Variants in PIGS observed in about 807,000 individuals in gnomAD.
The protein encoded by PIGS is phosphatidylinositol glycan anchor biosynthesis class S.
A neutral mutation model predicts 58.2 loss-of-function variants in PIGS; 37 were observed. The ratio of observed to expected loss-of-function variants is 0.64; its 90% CI spans 0.49 to 0.84. The LOEUF (loss-of-function observed/expected upper bound fraction) is 0.84. Ranked by LOEUF, PIGS falls within the 40% of genes least tolerant of loss-of-function variation. PIGS has a pLI of 0.00. For synonymous variants in PIGS, 269 were observed against 289.2 expected (o/e 0.93, Z 0.71); for missense variants, 629 against 710.8 (o/e 0.88, Z 1.31).
At chr17:28,566,287 T>G (rs2070394106) in intron 3 of PIGS, among the ~76,000 whole-genome samples, 2 of 148,450 alleles carry the variant, frequency 1.3e-5, no homozygotes, top group Admixed American at 1.3e-4. Flanking sequence ...TTTTTTTTTT[T>G]TGTTTTTTTG....
intron 3 of PIGS, among the ~76,000 whole-genome samples, 189 bp downstream of exon 3, chr17:28,570,663 G>A (rs1437415186): frequency 2.6e-5 from 4 of 152,152 alleles, no homozygotes; most frequent in African/African-American, 2.4e-5. Flanking sequence ...CCTGTCTTAC[G>A]AGTAAAATTG....
chr17:28,565,232 C>T (rs2070387535), intron 3 of PIGS, among the ~76,000 whole-genome samples: 1 of 152,108 alleles, frequency 6.6e-6, no homozygotes, highest in African/African-American at 2.4e-5. Context: ...CAATTAGAAA[C>T]ATCTTTTAAA....
At chr17:28,568,099 AC>A (rs1312682347) in intron 3 of PIGS, among the ~76,000 whole-genome samples, 1 of 149,758 alleles carries the variant, frequency 6.7e-6, no homozygotes, top group African/African-American at 2.4e-5. Flanking sequence ...CATTTGACTT[AC>A]TTGTCTTTTT....
At position 28,554,037 on chromosome 17, in the gene PIGS, A is replaced by T; in HGVS notation, c.*183T>A. ...TGGTGGAGGAGGATTGAGCCAGGTGAATGGGAAAGGAAGAAAAGATGAACC... is the reference window on the plus strand; with the variant it reads ...TGGTGGAGGAGGATTGAGCCAGGTGTATGGGAAAGGAAGAAAAGATGAACC... On this transcript the variant is annotated 3_prime_UTR_variant, in exon 12 of 12. Coordinates refer to ENST00000308360, the MANE Select transcript of PIGS (RefSeq NM_033198.4). 1 of 738,036 alleles carries T rather than the reference A, an allele frequency of 1.4e-6. No individual in the cohort carries two copies. Among genetic ancestry groups the T allele is most frequent in the Non-Finnish European group, 2.2e-6 (1 of 463,942 alleles). The allele number at this position is 738,036 out of a possible 1,614,324, so 45.7% of individuals were successfully genotyped here. A position where few individuals can be genotyped will look rare whatever the true frequency, so the allele number is the denominator to read the frequency against.
At chr17:28,566,266 CT>C (rs2070393606) in intron 3 of PIGS, among the ~76,000 whole-genome samples, 1 of 107,276 alleles carries the variant, frequency 9.3e-6, no homozygotes, top group African/African-American at 3.7e-5. Context: ...TCTACTTTTT[CT>C]TTTCTTTTTT....
chr17:28,555,201 G>A, intron 10 of PIGS, 140 bp from the exon 11 acceptor site: 1 of 785,416 alleles, frequency 1.3e-6, no homozygotes, highest in Non-Finnish European at 2.0e-6. Flanking sequence ...AAGTACCTCA[G>A]GGTCTTGGGG....
chr17:28,561,443 G>A lies in PIGS; in HGVS notation c.655C>T (p.Arg219Trp), dbSNP rs371227096. Reference protein sequence around the residue: ...PEDKWSAEKRRPLKSSLGYEI... With the variant: ...PEDKWSAEKRWPLKSSLGYEI... The stretch of plus-strand genomic sequence containing the variant: ...CTACCCAAGCTGGACTTGAGAGGCC[G>A]CCTCTTCTCAGCGCTCCACTTGTCC... Residue 219 changes from arginine (R) to tryptophan (W), a missense_variant, in exon 6 of 12, where the codon CGG becomes TGG. By Grantham distance (101) the Arg-to-Trp change is moderately radical (BLOSUM62 -3). Transcript: ENST00000308360. The A allele has an allele frequency of 1.5e-5, 24 of 1,613,776 alleles. No homozygotes were observed. Among genetic ancestry groups the A allele is most frequent in the South Asian group, 4.4e-5 (4 of 91,066 alleles).
chr17:28,567,817 G>T (rs1302520940), intron 3 of PIGS, among the ~76,000 whole-genome samples: 1 of 152,160 alleles, frequency 6.6e-6, no homozygotes, highest in Non-Finnish European at 1.5e-5. Context: ...TCACTCCAGT[G>T]AAGCCACAAG....
At position 28,556,275 on chromosome 17, in the gene PIGS, G is replaced by C. The variant is rs751331137; in HGVS notation, c.1081-9C>G. The C allele has an allele frequency of 1.9e-6, 3 of 1,588,932 alleles. No individual in the cohort carries two copies. The highest frequency in any genetic ancestry group is 2.6e-6 in the Non-Finnish European group (3 of 1,157,038). ...GAGTCAACATTATATACCTGAAAGG[G>C]GGAATGAGATTGCCACAACATCATA... On this transcript the variant is annotated splice_polypyrimidine_tract_variant and intron_variant, in intron 9 of 11. Transcript: ENST00000308360.
chr17:28,566,970 G>A (rs2070398276), intron 3 of PIGS, among the ~76,000 whole-genome samples: 2 of 152,186 alleles, frequency 1.3e-5, no homozygotes, highest in African/African-American at 4.8e-5. Context: ...GCTGCAGTAA[G>A]CTATGATTGA....
At chr17:28,564,646 C>T (rs1219314618) in intron 3 of PIGS, among the ~76,000 whole-genome samples, 1 of 147,594 alleles carries the variant, frequency 6.8e-6, no homozygotes, top group East Asian at 2.0e-4. Context: ...ACCCAGAAGG[C>T]GGAGGCTGCA....
chr17:28,556,522 C>A, intron 9 of PIGS: 2 of 730,434 alleles, frequency 2.7e-6, no homozygotes, highest in Non-Finnish European at 5.0e-6. Context: ...AACTTCCAGT[C>A]TAACAAGGGA....
Position 28,554,181 on chromosome 17 carries a change from G to C in PIGS, c.*39C>G. The C allele has an allele frequency of 6.2e-7, 1 of 1,605,474 alleles. No homozygotes were observed. Among genetic ancestry groups the C allele is most frequent in the Non-Finnish European group, 8.5e-7 (1 of 1,174,984 alleles). On this transcript the variant is annotated 3_prime_UTR_variant, in exon 12 of 12. Coordinates refer to ENST00000308360, the MANE Select transcript of PIGS (RefSeq NM_033198.4). ...CTCACAATCTAACACCGCCCACCTT[G>C]GCCAGAAAGGAAGGCTTCCTATGGA... is the stretch of plus-strand genomic sequence containing the variant.
chr17:28,554,992 C>T lies in PIGS; in HGVS notation c.1251G>A (p.Gly417=). Residue 417 remains glycine, a synonymous_variant, in exon 11 of 12, where the codon GGG becomes GGA. Transcript: ENST00000308360. ...GCCGGTCTAGCTCCCAGGTCATTAG[C>T]CCTTCACTCGTAGGCCCTGAAAGCA... ...KCLLSGPTSE[G]LMTWELDRLL... is the part of the protein sequence containing the mutation. 6.2e-7 allele frequency: 1 copy of T among 1,610,498 alleles called. No individual in the cohort carries two copies. Among genetic ancestry groups the T allele is most frequent in the Non-Finnish European group, 8.5e-7 (1 of 1,178,090 alleles).
chr17:28,554,700 G>A lies in PIGS; in HGVS notation c.1392+151C>T, dbSNP rs923734579. ...CTCTCATCTGCACTCCTGCTTGGGG[G>A]CTGGTACTGCCGTCTAGAGGAAGGC... On this transcript the variant is annotated intron_variant, in intron 11 of 11. Coordinates refer to ENST00000308360, the MANE Select transcript of PIGS (RefSeq NM_033198.4). The A allele has an allele frequency of 1.2e-5, 14 of 1,198,102 alleles. No homozygotes were observed. In the African/African-American group the frequency reaches 1.8e-4, roughly 15 times the overall value. The allele number at this position is 1,198,102 out of a possible 1,614,324, so 74.2% of individuals were successfully genotyped here.
At position 28,554,861 on chromosome 17, in the gene PIGS, A is replaced by C. The variant is rs995734267; in HGVS notation, c.1382T>G (p.Val461Gly). ...KISNIVIKDD[V>G]ASEVYKAVAA... ...CCCCTGCCTGCTTACCTCAGATGCCACGTCGTCCTTAATGACAATGTTGCT... is the reference window on the plus strand; with the variant it reads ...CCCCTGCCTGCTTACCTCAGATGCCCCGTCGTCCTTAATGACAATGTTGCT... The change falls in exon 11 of 12, where the codon GTG becomes GGG. Residue 461 changes from valine (V) to glycine (G), a missense_variant. Transcript: ENST00000308360. 4 of 1,614,004 alleles carry C rather than the reference A, an allele frequency of 2.5e-6. No individual in the cohort carries two copies. The highest frequency in any genetic ancestry group is 2.5e-6 in the Non-Finnish European group (3 of 1,180,032).
chr17:28,570,343 T>G (rs2070419598), intron 3 of PIGS, among the ~76,000 whole-genome samples: 1 of 152,196 alleles, frequency 6.6e-6, no homozygotes, highest in Non-Finnish European at 1.5e-5. Context: ...TAACCCCGTC[T>G]CTACTAAAAA....
At position 28,560,064 on chromosome 17, in the gene PIGS, G is replaced by T. The variant is rs781071258; in HGVS notation, c.804C>A (p.Phe268Leu). Residue 268 changes from phenylalanine (F) to leucine (L), a missense_variant, in exon 7 of 12, where the codon TTC becomes TTA. By Grantham distance (22) the Phe-to-Leu change is conservative. Coordinates refer to ENST00000308360, the MANE Select transcript of PIGS (RefSeq NM_033198.4). Reference protein sequence around the residue: ...FLNALGAAGNFSVDSQILYYA... With the variant: ...FLNALGAAGNLSVDSQILYYA... The stretch of plus-strand genomic sequence containing the variant: ...CCGGTCTCACCTGAGAGTCCACAGA[G>T]AAGTTGCCAGCGGCACCGAGGGCAT... 1.9e-6 allele frequency: 3 copies of T among 1,612,062 alleles called. No individual in the cohort carries two copies. Among genetic ancestry groups the T allele is most frequent in the Non-Finnish European group, 2.5e-6 (3 of 1,179,288 alleles).
chr17:28,559,985 C>A, intron 7 of PIGS, 64 bp downstream of exon 7: 1 of 1,521,632 alleles, frequency 6.6e-7, no homozygotes, highest in South Asian at 1.3e-5. Context: ...GATGGAGGAA[C>A]AGACTGCACT....
Sources: gnomAD v4.1 joint callset for allele counts (sites outside exome capture counted in the v4.1 genomes callset) on GRCh38, gnomAD v4.1.1 for gene constraint, MANE v1.5 for transcripts, NCBI Gene and HGNC (gene_info 2026-07-23, HGNC 2026-07-21) for gene names.